Variants in LMNTD1 observed in about 807,000 individuals in gnomAD.
The protein encoded by LMNTD1 is lamin tail domain-containing protein 1.
LMNTD1 carries 35 observed loss-of-function variants against 50.9 expected under a neutral mutation model. That is an observed-to-expected ratio of 0.69 (90% CI 0.53 to 0.91). The LOEUF (loss-of-function observed/expected upper bound fraction) is 0.91. LMNTD1 is among the 40% of genes least tolerant of loss of function. The probability of loss-of-function intolerance (pLI) is 0.00; values close to 1 mark genes in which losing one functional copy is unlikely to be tolerated. For missense variants in LMNTD1, 470 were observed against 475.5 expected (o/e 0.99, Z 0.11); for synonymous variants, 153 against 161.9 (o/e 0.94, Z 0.42).
intron 8 of LMNTD1, among the ~76,000 whole-genome samples, chr12:25,504,995 C>T (rs745963808): frequency 6.6e-6 from 1 of 152,184 alleles, no homozygotes; most frequent in Non-Finnish European, 1.5e-5. Context: ...GTATGTCCTT[C>T]CAGACTGACT....
chr12:25,586,976 A>T (rs1945547428), intron 1 of LMNTD1, among the ~76,000 whole-genome samples: 1 of 152,140 alleles, frequency 6.6e-6, no homozygotes, highest in South Asian at 2.1e-4. Flanking sequence ...GTGATTAAAG[A>T]TCCAGCAGCA....
At chr12:25,487,524 G>T (rs1591819747) in intron 9 of LMNTD1, among the ~76,000 whole-genome samples, 1 of 143,120 alleles carries the variant, frequency 7.0e-6, no homozygotes, top group East Asian at 2.2e-4. Flanking sequence ...GAGCATATGT[G>T]TGTCTCTGCA....
At chr12:25,576,906 A>G (rs944129072) in intron 1 of LMNTD1, among the ~76,000 whole-genome samples, 14 of 152,156 alleles carry the variant, frequency 9.2e-5, no homozygotes, top group Admixed American at 3.9e-4. Context: ...AGCTTTCTAC[A>G]TATGGCTAGC....
At chr12:25,479,636 G>A (rs1213864653) in intron 9 of LMNTD1, among the ~76,000 whole-genome samples, 1 of 152,224 alleles carries the variant, frequency 6.6e-6, no homozygotes, top group Non-Finnish European at 1.5e-5. Context: ...CAGAGGCAAT[G>A]CTGTGTGGAA....
intron 8 of LMNTD1, among the ~76,000 whole-genome samples, chr12:25,513,708 A>G (rs1213199982): frequency 2.6e-5 from 4 of 152,218 alleles, no homozygotes; most frequent in Admixed American, 6.5e-5. Context: ...AAAGTTCAGA[A>G]AATTTGTTGA....
At chr12:25,609,254 C>T (rs140707260) in intron 1 of LMNTD1, among the ~76,000 whole-genome samples, 24 of 152,214 alleles carry the variant, frequency 1.6e-4, no homozygotes, top group East Asian at 1.4e-3. Context: ...AGCTTCTTTG[C>T]GATGGGTTCG....
chr12:25,479,927 G>A (rs1314165438), intron 9 of LMNTD1, among the ~76,000 whole-genome samples: 1 of 152,166 alleles, frequency 6.6e-6, no homozygotes, highest in African/African-American at 2.4e-5. Flanking sequence ...CAGCCTTGGC[G>A]AGTGGAAGTC....
chr12:25,477,111 T>C (rs957393692), intron 9 of LMNTD1, among the ~76,000 whole-genome samples: 2 of 152,212 alleles, frequency 1.3e-5, no homozygotes, highest in Admixed American at 1.3e-4. Flanking sequence ...CATTTGAATG[T>C]AGGCTATATG....
intron 1 of LMNTD1, among the ~76,000 whole-genome samples, chr12:25,623,003 T>C (rs1055729055): frequency 2.0e-5 from 3 of 151,956 alleles, no homozygotes; most frequent in African/African-American, 7.3e-5. Context: ...AGAAAAGCTC[T>C]AATAGAGATG....
intron 1 of LMNTD1, among the ~76,000 whole-genome samples, chr12:25,558,967 G>GTT (rs71065955): frequency 0.11 from 15,406 of 146,410 alleles, 945 homozygotes; most frequent in East Asian, 0.24. Flanking sequence ...TTGACTTACA[G>GTT]TTTTTTTTTT....
intron 1 of LMNTD1, among the ~76,000 whole-genome samples, chr12:25,565,875 C>T (rs879681351): frequency 1.6e-4 from 25 of 152,144 alleles, no homozygotes; most frequent in Non-Finnish European, 2.4e-4. Flanking sequence ...CTAGTGTAAA[C>T]GTTTTTGTTG....
chr12:25,528,980 A>G (rs1942022180), intron 4 of LMNTD1, among the ~76,000 whole-genome samples: 1 of 152,096 alleles, frequency 6.6e-6, no homozygotes, highest in African/African-American at 2.4e-5. Flanking sequence ...TCACTAATTA[A>G]TCACCTCTTA....
At chr12:25,598,867 C>G (rs1327830938) in intron 1 of LMNTD1, among the ~76,000 whole-genome samples, 1 of 151,820 alleles carries the variant, frequency 6.6e-6, no homozygotes, top group Non-Finnish European at 1.5e-5. Flanking sequence ...AAAAATGTCT[C>G]CCAGTAAAGA....
chr12:25,502,737 A>T (rs1183927184), intron 9 of LMNTD1, among the ~76,000 whole-genome samples: 3 of 152,206 alleles, frequency 2.0e-5, no homozygotes, highest in African/African-American at 7.2e-5. Flanking sequence ...GTTCAAGGAT[A>T]TGATGCTATA....
chr12:25,604,347 A>T (rs1363166397), intron 1 of LMNTD1, among the ~76,000 whole-genome samples: 1 of 152,006 alleles, frequency 6.6e-6, no homozygotes, highest in Non-Finnish European at 1.5e-5. Flanking sequence ...ATTTATTTTT[A>T]AAATTTTATT....
chr12:25,565,566 T>C (rs796127661), intron 1 of LMNTD1, among the ~76,000 whole-genome samples: 16 of 152,338 alleles, frequency 1.1e-4, no homozygotes, highest in African/African-American at 3.8e-4. Context: ...AAAGTTGTTG[T>C]AGTTATTATT....
At chr12:25,586,896 C>T (rs1387344200) in intron 1 of LMNTD1, among the ~76,000 whole-genome samples, 1 of 152,128 alleles carries the variant, frequency 6.6e-6, no homozygotes, top group Non-Finnish European at 1.5e-5. Context: ...CTTGACAAAC[C>T]ACATAGCATG....
At chr12:25,548,407 T>G (rs1330774849) in intron 3 of LMNTD1, among the ~76,000 whole-genome samples, 1 of 151,906 alleles carries the variant, frequency 6.6e-6, no homozygotes, top group Non-Finnish European at 1.5e-5. Flanking sequence ...TGTTAGTTGA[T>G]TGGCAATTGA....
At chr12:25,479,848 C>T (rs543314014) in intron 9 of LMNTD1, among the ~76,000 whole-genome samples, 1 of 152,310 alleles carries the variant, frequency 6.6e-6, no homozygotes, top group South Asian at 2.1e-4. Context: ...GGAATGGTGC[C>T]ATATCAAGGG....
Sources: gnomAD v4.1 joint callset for allele counts (sites outside exome capture counted in the v4.1 genomes callset) on GRCh38, gnomAD v4.1.1 for gene constraint, MANE v1.5 for transcripts, NCBI Gene and HGNC (gene_info 2026-07-23, HGNC 2026-07-21) for gene names.